Variants in RNF2 observed in about 807,000 individuals in gnomAD.
RNF2 encodes ring finger protein 2.
Under a neutral mutation model 37.2 loss-of-function variants are expected in RNF2, and 6 were observed. The ratio of observed to expected loss-of-function variants is 0.16; its 90% CI spans 0.09 to 0.32. RNF2 has a LOEUF of 0.32. RNF2 is among the 10% of genes least tolerant of loss of function. RNF2 has a pLI of 1.00. For synonymous variants in RNF2, 133 were observed against 132.7 expected, an observed-to-expected ratio of 1.00 and a Z score of -0.02; for missense variants, 251 against 404.0, an observed-to-expected ratio of 0.62 and a Z score of 3.25.
chr1:185,061,337 C>A (rs1384468097), intron 1 of RNF2, among the ~76,000 whole-genome samples: 8 of 151,466 alleles, frequency 5.3e-5, no homozygotes, highest in African/African-American at 1.9e-4. Context: ...CCATGTTAGC[C>A]AGGATGGTCT....
chr1:185,079,446 G>A (rs141980782), intron 1 of RNF2, among the ~76,000 whole-genome samples: 7 of 152,252 alleles, frequency 4.6e-5, no homozygotes, highest in South Asian at 2.1e-4. Flanking sequence ...CTGAGTCTTC[G>A]TAATAAGGAA....
rs1650247246 is a variant in RNF2, at chr1:185,050,733, TA to T, written c.-3+5087del. 3.9e-5 allele frequency among the ~76,000 whole-genome samples: 6 copies of T among 152,328 alleles called. No homozygotes were observed. The South Asian group carries it at 1.2e-3, about 32-fold the overall frequency. ...AATTGAAAGGGTAAAATAGTAAATT[TA>T]AACTGCATAGTACCAATAGGTGATC... is the stretch of plus-strand genomic sequence containing the variant. On this transcript the variant is annotated intron_variant, in intron 1 of 6. Transcript: ENST00000367510.
At chr1:185,076,268 G>GTTGTTTTTTTTTTTTTTTTTTTTTT (rs1651152431) in intron 1 of RNF2, among the ~76,000 whole-genome samples, 1 of 27,334 alleles carries the variant, frequency 3.7e-5, no homozygotes, top group Non-Finnish European at 7.6e-5. Context: ...TTTATGGGTT[G>GTTGTTTTTTTTTTTTTTTTTTTTTT]TTTTTTTTTT....
chr1:185,070,588 A>G (rs1650937827), intron 1 of RNF2, among the ~76,000 whole-genome samples: 1 of 150,624 alleles, frequency 6.6e-6, no homozygotes, highest in East Asian at 1.9e-4. Flanking sequence ...TTTCACATGA[A>G]CCTTATTCTT....
chr1:185,061,023 G>A (rs985484279), intron 1 of RNF2, among the ~76,000 whole-genome samples: 4 of 152,070 alleles, frequency 2.6e-5, no homozygotes, highest in African/African-American at 9.7e-5. Context: ...AGGCTGACAT[G>A]GGAGGATCGC....
chr1:185,098,182 C>G lies in RNF2; in HGVS notation c.575C>G (p.Pro192Arg). ...ACACATAGCAATCAGGAAGCAGGCC[C>G]TAGTAACAAACGGACCAAAACATCT... ...ASTHSNQEAG[P>R]SNKRTKTSDD... is the part of the protein sequence containing the mutation. The change falls in exon 5 of 7, where the codon CCT becomes CGT. Residue 192 changes from proline to arginine, a missense_variant. This residue lies in a region of RNF2 where 94 missense variants were observed against 99.2 expected (regional missense o/e 0.95). Transcript: ENST00000367510. 6.2e-7 allele frequency: 1 copy of G among 1,614,176 alleles called. No homozygotes were observed.
chr1:185,089,025 G>A (rs1651686623), intron 2 of RNF2, among the ~76,000 whole-genome samples: 1 of 134,756 alleles, frequency 7.4e-6, no homozygotes, highest in African/African-American at 2.7e-5. Flanking sequence ...CCAGTTTCAT[G>A]GATGATAGTG....
At chr1:185,075,425 C>T (rs1005259386) in intron 1 of RNF2, among the ~76,000 whole-genome samples, 1 of 152,112 alleles carries the variant, frequency 6.6e-6, no homozygotes, top group Non-Finnish European at 1.5e-5. Flanking sequence ...TGTTCTGTTC[C>T]CCAGAACTTT....
At chr1:185,048,884 G>A (rs1650192790) in intron 1 of RNF2, among the ~76,000 whole-genome samples, 1 of 152,264 alleles carries the variant, frequency 6.6e-6, no homozygotes, top group East Asian at 1.9e-4. Flanking sequence ...TGAGCACTGC[G>A]TGAAGTAGTT....
At chr1:185,081,754 A>G (rs1651417052) in intron 1 of RNF2, among the ~76,000 whole-genome samples, 1 of 152,002 alleles carries the variant, frequency 6.6e-6, no homozygotes, top group Non-Finnish European at 1.5e-5. Context: ...GCATTTGAGC[A>G]TTGTTGTGGA....
At chr1:185,047,629 C>T (rs574255418) in intron 1 of RNF2, among the ~76,000 whole-genome samples, 43 of 152,290 alleles carry the variant, frequency 2.8e-4, no homozygotes, top group Non-Finnish European at 5.7e-4. Context: ...AGCATAATTT[C>T]TTCCAGCAAG....
chr1:185,086,134 C>A (rs3766720), intron 1 of RNF2, among the ~76,000 whole-genome samples: 14,853 of 152,062 alleles, frequency 0.098, 939 homozygotes, highest in East Asian at 0.26. Flanking sequence ...TTCATCTCTA[C>A]CAAAGCCTCC....
intron 1 of RNF2, among the ~76,000 whole-genome samples, chr1:185,070,929 A>G (rs1185062530): frequency 2.0e-5 from 3 of 152,036 alleles, no homozygotes; most frequent in Non-Finnish European, 2.9e-5. Context: ...GAGCCACTGC[A>G]CCCGGCCAGA....
intron 4 of RNF2, among the ~76,000 whole-genome samples, chr1:185,093,687 A>G (rs555608298): frequency 6.6e-6 from 1 of 152,320 alleles, no homozygotes; most frequent in East Asian, 1.9e-4. Context: ...GCAGCATTTG[A>G]CACAATTAAT....
At chr1:185,077,972 G>A (rs530213434) in intron 1 of RNF2, among the ~76,000 whole-genome samples, 1 of 152,316 alleles carries the variant, frequency 6.6e-6, no homozygotes, top group Non-Finnish European at 1.5e-5. Flanking sequence ...GGGGCCGGGC[G>A]TGGTGGCTCA....
At chr1:185,092,206 TTACTCTGTCACC>T (rs1409563664) in intron 3 of RNF2, among the ~76,000 whole-genome samples, 1 of 149,504 alleles carries the variant, frequency 6.7e-6, no homozygotes, top group Non-Finnish European at 1.5e-5. Context: ...AGATGGAATC[TTACTCTGTCACC>T]CAGGCTGGAG....
intron 1 of RNF2, among the ~76,000 whole-genome samples, chr1:185,074,959 T>G (rs1467307706): frequency 1.3e-5 from 2 of 152,086 alleles, no homozygotes; most frequent in African/African-American, 4.8e-5. Flanking sequence ...CCTTGGATAC[T>G]GAGGGACGAC....
At chr1:185,046,726 A>C (rs541599179) in intron 1 of RNF2, among the ~76,000 whole-genome samples, 1 of 152,218 alleles carries the variant, frequency 6.6e-6, no homozygotes, top group Non-Finnish European at 1.5e-5. Context: ...TAAAAAAATT[A>C]AGGCATGGTT....
chr1:185,058,249 G>A (rs1268550325), intron 1 of RNF2, among the ~76,000 whole-genome samples: 1 of 152,200 alleles, frequency 6.6e-6, no homozygotes, highest in Admixed American at 6.5e-5. Context: ...GATGTGTGTA[G>A]GTTATGCAAA....
Sources: allele counts gnomAD v4.1 joint callset (sites outside exome capture counted in the v4.1 genomes callset), GRCh38; gene constraint gnomAD v4.1.1; regional missense constraint gnomAD v4.1.1; transcripts MANE v1.5; gene names NCBI Gene and HGNC (gene_info 2026-07-23, HGNC 2026-07-21).